SLC8A1: variants seen among roughly 807,000 people sequenced by gnomAD.
The protein encoded by SLC8A1 is sodium/calcium exchanger 1.
A neutral mutation model predicts 68.3 loss-of-function variants in SLC8A1; 18 were observed. The ratio of observed to expected loss-of-function variants is 0.26; its 90% confidence interval spans 0.18 to 0.39. The LOEUF is 0.39. SLC8A1 is among the 10% of genes least tolerant of loss of function. The pLI is 1.00. For synonymous variants in SLC8A1, 475 were observed against 415.5 expected (o/e 1.14, Z -1.74); for missense variants, 985 against 1,156.7 (o/e 0.85, Z 2.15).
At chr2:40,492,421 G>C (rs577624199) in intron 1 of SLC8A1, among the ~76,000 whole-genome samples, 2 of 152,216 alleles carry the variant, frequency 1.3e-5, no homozygotes, top group Admixed American at 1.3e-4. Flanking sequence ...TACCATTCAG[G>C]ACATAGGCAC....
intron 1 of SLC8A1, among the ~76,000 whole-genome samples, chr2:40,504,865 T>C (rs1706270314): frequency 6.6e-6 from 1 of 152,004 alleles, no homozygotes; most frequent in South Asian, 2.1e-4. Flanking sequence ...GGTGGGAATG[T>C]AAATTAGTAC....
intron 1 of SLC8A1, among the ~76,000 whole-genome samples, chr2:40,490,622 T>A (rs1386294295): frequency 6.6e-6 from 1 of 152,138 alleles, no homozygotes; most frequent in East Asian, 1.9e-4. Flanking sequence ...CATAATGTTT[T>A]TAGATGATTT....
chr2:40,352,348 T>C (rs998491565), intron 2 of SLC8A1, among the ~76,000 whole-genome samples: 9 of 152,334 alleles, frequency 5.9e-5, no homozygotes, highest in South Asian at 2.1e-4. Flanking sequence ...ATTATGTTTA[T>C]TGAGAAGTGT....
At chr2:40,365,667 C>A (rs1486391773) in intron 2 of SLC8A1, among the ~76,000 whole-genome samples, 5 of 152,020 alleles carry the variant, frequency 3.3e-5, no homozygotes, top group African/African-American at 1.2e-4. Flanking sequence ...TTTACACACA[C>A]AAACATGTCA....
intron 2 of SLC8A1, among the ~76,000 whole-genome samples, chr2:40,338,947 AGT>A (rs1666869364): frequency 6.6e-6 from 1 of 152,218 alleles, no homozygotes; most frequent in Non-Finnish European, 1.5e-5. Flanking sequence ...AATCTACCAG[AGT>A]CTCTCCAAGC....
At chr2:40,270,654 G>A (rs528055218) in intron 2 of SLC8A1, among the ~76,000 whole-genome samples, 1 of 152,294 alleles carries the variant, frequency 6.6e-6, no homozygotes, top group African/African-American at 2.4e-5. Context: ...GAAAAATCCA[G>A]AACAATCTCC....
chr2:40,340,659 G>A (rs996998409), intron 2 of SLC8A1, among the ~76,000 whole-genome samples: 2 of 152,166 alleles, frequency 1.3e-5, no homozygotes, highest in Non-Finnish European at 2.9e-5. Flanking sequence ...TTTTGATACA[G>A]AACTCTCTTA....
At chr2:40,490,133 T>C (rs1156236103) in intron 1 of SLC8A1, among the ~76,000 whole-genome samples, 1 of 152,144 alleles carries the variant, frequency 6.6e-6, no homozygotes, top group Non-Finnish European at 1.5e-5. Context: ...GTGGATATCT[T>C]ACTTATTTTC....
At chr2:40,398,531 A>G (rs147459498) in intron 2 of SLC8A1, among the ~76,000 whole-genome samples, 1,540 of 152,340 alleles carry the variant, frequency 0.01, 21 homozygotes, top group African/African-American at 0.034. Context: ...CTATCATACC[A>G]TTAAGGTGAC....
intron 1 of SLC8A1, among the ~76,000 whole-genome samples, chr2:40,468,802 G>A (rs1703840062): frequency 6.6e-6 from 1 of 152,052 alleles, no homozygotes; most frequent in African/African-American, 2.4e-5. Flanking sequence ...TGGGCTGGGT[G>A]TGGTGGCTCA....
chr2:40,467,216 T>C (rs1703732160), intron 1 of SLC8A1, among the ~76,000 whole-genome samples: 1 of 152,312 alleles, frequency 6.6e-6, no homozygotes, highest in Admixed American at 6.5e-5. Context: ...CTTCAATTTT[T>C]ACGTGTCCAA....
intron 2 of SLC8A1, among the ~76,000 whole-genome samples, chr2:40,235,220 A>G (rs898126406): frequency 2.2e-4 from 34 of 152,220 alleles, no homozygotes; most frequent in Non-Finnish European, 1.6e-4. Flanking sequence ...CTGTGAATCC[A>G]TCTGGTCCTG....
At chr2:40,369,580 T>C (rs1677350808) in intron 2 of SLC8A1, among the ~76,000 whole-genome samples, 1 of 152,138 alleles carries the variant, frequency 6.6e-6, no homozygotes, top group Non-Finnish European at 1.5e-5. Context: ...GTTGTTTAAA[T>C]AATGCTTATT....
At chr2:40,352,532 A>C (rs1298852402) in intron 2 of SLC8A1, among the ~76,000 whole-genome samples, 1 of 152,296 alleles carries the variant, frequency 6.6e-6, no homozygotes, top group African/African-American at 2.4e-5. Flanking sequence ...ACTGAGTGTG[A>C]AATTTAATTT....
chr2:40,184,647 T>C (rs1447447269), intron 2 of SLC8A1, among the ~76,000 whole-genome samples: 5 of 152,060 alleles, frequency 3.3e-5, no homozygotes, highest in Admixed American at 2.6e-4. Flanking sequence ...CAGAAGACAG[T>C]AATGCCTCAT....
chr2:40,460,308 G>C (rs1281770509), intron 1 of SLC8A1, among the ~76,000 whole-genome samples: 1 of 152,172 alleles, frequency 6.6e-6, no homozygotes, highest in Non-Finnish European at 1.5e-5. Flanking sequence ...ACACAGCAAA[G>C]TGCATACTTC....
At chr2:40,097,393 T>C (rs951823678) in exon 8 of SLC8A1, 3 of 152,008 alleles carry the variant, frequency 2.0e-5, no homozygotes, top group African/African-American at 7.2e-5. Flanking sequence ...AGATTACAGT[T>C]TAACACGATT....
intron 2 of SLC8A1, among the ~76,000 whole-genome samples, chr2:40,255,954 G>A (rs374598020): frequency 6.6e-6 from 1 of 152,136 alleles, no homozygotes; most frequent in African/African-American, 2.4e-5. Flanking sequence ...GTGAATAACT[G>A]AATTTAGGGC....
At chr2:40,318,197 T>A (rs188126527) in intron 2 of SLC8A1, among the ~76,000 whole-genome samples, 186 of 152,198 alleles carry the variant, frequency 1.2e-3, no homozygotes, top group Non-Finnish European at 2.1e-3. Context: ...AATCATCCAG[T>A]GATTTTTAAA....
Sources: gnomAD v4.1 joint callset for allele counts (sites outside exome capture counted in the v4.1 genomes callset) on GRCh38, gnomAD v4.1.1 for gene constraint, MANE v1.5 for transcripts, NCBI Gene and HGNC (gene_info 2026-07-23, HGNC 2026-07-21) for gene names.